The following CACNA2D3 variants were observed in gnomAD, a reference collection of about 807,000 sequenced individuals.
CACNA2D3 encodes the protein voltage-dependent calcium channel subunit alpha-2/delta-3.
Under a neutral mutation model 160.6 loss-of-function variants are expected in CACNA2D3, and 60 were observed. That is an observed-to-expected ratio of 0.37 (90% confidence interval 0.30 to 0.46). The LOEUF (loss-of-function observed/expected upper bound fraction) is 0.46. CACNA2D3 is among the 20% of genes least tolerant of loss of function. CACNA2D3 has a pLI of 1.00. For synonymous variants in CACNA2D3, 558 were observed against 492.9 expected, an observed-to-expected ratio of 1.13 and a Z score of -1.75; for missense variants, 1,205 against 1,365.0, an observed-to-expected ratio of 0.88 and a Z score of 1.85.
intron 13 of CACNA2D3, among the ~76,000 whole-genome samples, chr3:54,813,497 G>A (rs1703377791): frequency 6.6e-6 from 1 of 152,148 alleles, no homozygotes; most frequent in African/African-American, 2.4e-5. Context: ...TCCTCTAGCA[G>A]ATATATTTTT....
At chr3:54,663,042 G>C (rs1700000260) in intron 11 of CACNA2D3, among the ~76,000 whole-genome samples, 2 of 152,116 alleles carry the variant, frequency 1.3e-5, no homozygotes, top group Non-Finnish European at 2.9e-5. Context: ...GAGGGAAATG[G>C]GATAAAATTA....
intron 2 of CACNA2D3, among the ~76,000 whole-genome samples, chr3:54,171,136 C>CTTTTTTTTCTTTTTTTTTTT (rs1700558275): frequency 1.6e-5 from 1 of 62,542 alleles, no homozygotes; most frequent in Non-Finnish European, 2.9e-5. Flanking sequence ...AAGATGATGA[C>CTTTTTTTTCTTTTTTTTTTT]TTTTTTTTTT....
chr3:54,812,260 A>C (rs1052534315), intron 13 of CACNA2D3, among the ~76,000 whole-genome samples: 11 of 152,228 alleles, frequency 7.2e-5, no homozygotes, highest in Non-Finnish European at 1.2e-4. Flanking sequence ...AAGCTTGGCT[A>C]AAATTAGGGT....
At chr3:54,328,991 G>T (rs912564979) in intron 3 of CACNA2D3, among the ~76,000 whole-genome samples, 3 of 152,170 alleles carry the variant, frequency 2.0e-5, no homozygotes, top group African/African-American at 2.4e-5. Flanking sequence ...AAAGTCAGTA[G>T]TTGCAAGAGA....
intron 2 of CACNA2D3, among the ~76,000 whole-genome samples, chr3:54,149,366 G>A (rs894787378): frequency 2.0e-5 from 3 of 151,876 alleles, no homozygotes; most frequent in African/African-American, 7.3e-5. Context: ...GGCTGCCTTG[G>A]GCCTAGGGTT....
chr3:54,394,301 T>G (rs1428132540), intron 4 of CACNA2D3, among the ~76,000 whole-genome samples: 1 of 149,516 alleles, frequency 6.7e-6, no homozygotes, highest in Non-Finnish European at 1.5e-5. Context: ...CCTGCAACCC[T>G]GCCTTGGAGA....
chr3:54,579,358 T>A (rs1278436981), intron 8 of CACNA2D3, among the ~76,000 whole-genome samples: 1 of 152,190 alleles, frequency 6.6e-6, no homozygotes, highest in Admixed American at 6.5e-5. Context: ...TTCCTTGGGC[T>A]TTGCATTCCG....
intron 14 of CACNA2D3, among the ~76,000 whole-genome samples, chr3:54,834,761 G>C (rs1332959676): frequency 3.3e-5 from 5 of 152,176 alleles, no homozygotes; most frequent in African/African-American, 4.8e-5. Context: ...GAGGAATTTA[G>C]TTTAAGGAAT....
At chr3:54,460,495 C>G (rs550329111) in intron 4 of CACNA2D3, among the ~76,000 whole-genome samples, 1 of 152,272 alleles carries the variant, frequency 6.6e-6, no homozygotes, top group African/African-American at 2.4e-5. Flanking sequence ...CTTCACATCC[C>G]TTCTAAGTTG....
At chr3:54,564,232 A>G (rs1277267895) in intron 6 of CACNA2D3, among the ~76,000 whole-genome samples, 1 of 152,230 alleles carries the variant, frequency 6.6e-6, no homozygotes, top group Admixed American at 6.5e-5. Flanking sequence ...GTCTCCTCCA[A>G]CAGGGAGTCC....
chr3:54,807,197 G>A (rs1703151485), intron 13 of CACNA2D3, among the ~76,000 whole-genome samples: 1 of 152,166 alleles, frequency 6.6e-6, no homozygotes, highest in Non-Finnish European at 1.5e-5. Context: ...AGACAAAATT[G>A]ACAAATGGGA....
chr3:54,879,143 A>T, intron 19 of CACNA2D3, 54 bp downstream of exon 19: 1 of 1,213,240 alleles, frequency 8.2e-7, no homozygotes, highest in South Asian at 1.4e-5. Context: ...CCACTGTGAA[A>T]AATTAGCTTT....
chr3:55,064,424 C>G (rs898898643), intron 35 of CACNA2D3, among the ~76,000 whole-genome samples: 1 of 151,910 alleles, frequency 6.6e-6, no homozygotes, highest in Non-Finnish European at 1.5e-5. Flanking sequence ...GGGCAGGGCT[C>G]TAGTTGCTGG....
chr3:54,858,697 C>G (rs1168701), intron 17 of CACNA2D3, among the ~76,000 whole-genome samples: 53,087 of 151,948 alleles, frequency 0.35, 9,642 homozygotes, highest in East Asian at 0.45. Context: ...TGTTTGTCTC[C>G]GGGGAGATGG....
intron 2 of CACNA2D3, chr3:54,197,483 T>C (rs1209840871): frequency 3.3e-5 from 5 of 152,264 alleles, no homozygotes; most frequent in African/African-American, 1.2e-4. Flanking sequence ...CTCTGGCATC[T>C]TTATAGTAGC....
At chr3:54,473,126 C>G (rs1472784245) in intron 4 of CACNA2D3, among the ~76,000 whole-genome samples, 1 of 152,186 alleles carries the variant, frequency 6.6e-6, no homozygotes, top group Non-Finnish European at 1.5e-5. Context: ...TACCTTACTT[C>G]AAACTATACT....
At chr3:54,439,741 A>G (rs1159903419) in intron 4 of CACNA2D3, among the ~76,000 whole-genome samples, 1 of 151,880 alleles carries the variant, frequency 6.6e-6, no homozygotes, top group Non-Finnish European at 1.5e-5. Flanking sequence ...CTTGCCCTTG[A>G]CCTCTAGGAA....
At chr3:54,631,227 C>A (rs1260331269) in intron 10 of CACNA2D3, among the ~76,000 whole-genome samples, 1 of 151,546 alleles carries the variant, frequency 6.6e-6, no homozygotes, top group African/African-American at 2.4e-5. Context: ...CACACACACA[C>A]ACACACACAA....
intron 27 of CACNA2D3, among the ~76,000 whole-genome samples, chr3:54,900,948 A>G (rs1267071228): frequency 1.3e-5 from 2 of 152,180 alleles, no homozygotes; most frequent in Non-Finnish European, 2.9e-5. Context: ...GGGTGTGACA[A>G]GGATGACAGC....
Sources: gnomAD v4.1 joint callset for allele counts (sites outside exome capture counted in the v4.1 genomes callset) on GRCh38, gnomAD v4.1.1 for gene constraint, MANE v1.5 for transcripts, NCBI Gene and HGNC (gene_info 2026-07-23, HGNC 2026-07-21) for gene names.